MYO16: variants seen among roughly 807,000 people sequenced by gnomAD.
The protein encoded by MYO16 is unconventional myosin-XVI.
MYO16 carries 94 observed loss-of-function variants against 205.3 expected under a neutral mutation model. The observed-to-expected ratio is 0.46, with a 90% confidence interval of 0.39 to 0.54. The LOEUF (loss-of-function observed/expected upper bound fraction) is 0.54, where lower values mean the gene tolerates loss of function less well. Among genes scored for constraint, MYO16 ranks in the 20% least tolerant of loss-of-function variants. The pLI is 0.00. For synonymous variants in MYO16, 988 were observed against 954.0 expected (o/e 1.04, Z -0.66); for missense variants, 2,315 against 2,387.5 (o/e 0.97, Z 0.63).
At chr13:108,808,675 T>C (rs1269564952) in intron 7 of MYO16, among the ~76,000 whole-genome samples, 1 of 152,076 alleles carries the variant, frequency 6.6e-6, no homozygotes, top group Non-Finnish European at 1.5e-5. Context: ...ATAGTAAGAA[T>C]TGAGAGACAA....
At chr13:109,142,055 A>G (rs1361008471) in intron 32 of MYO16, among the ~76,000 whole-genome samples, 1 of 152,230 alleles carries the variant, frequency 6.6e-6, no homozygotes, top group Admixed American at 6.5e-5. Flanking sequence ...TGTTGCCTGC[A>G]TTCAAAAACA....
intron 27 of MYO16, among the ~76,000 whole-genome samples, chr13:109,066,367 A>G (rs1428667582): frequency 2.0e-5 from 3 of 152,212 alleles, no homozygotes; most frequent in Non-Finnish European, 4.4e-5. Flanking sequence ...ACTTTCTCCA[A>G]GGTAATTTTG....
intron 4 of MYO16, among the ~76,000 whole-genome samples, chr13:108,743,164 A>G (rs1207459507): frequency 6.6e-6 from 1 of 152,196 alleles, no homozygotes; most frequent in Admixed American, 6.5e-5. Context: ...ATTTCTTTAA[A>G]TTGTGTAAAC....
chr13:108,980,445 G>A (rs78525361), intron 20 of MYO16, among the ~76,000 whole-genome samples: 4,495 of 152,200 alleles, frequency 0.03, 101 homozygotes, highest in African/African-American at 0.056. Context: ...TATGCTCTCT[G>A]TGCCTGTCAT....
the MYO16 span, among the ~76,000 whole-genome samples, chr13:108,503,867 T>A: frequency 1.3e-5 from 2 of 152,178 alleles, no homozygotes; most frequent in Non-Finnish European, 2.9e-5. Flanking sequence ...AAAAGCCAGA[T>A]AAAATTAATA....
intron 4 of MYO16, among the ~76,000 whole-genome samples, chr13:108,768,879 T>G (rs2138874108): frequency 6.6e-6 from 1 of 152,222 alleles, no homozygotes; most frequent in East Asian, 1.9e-4. Context: ...CCAAAACCCT[T>G]GAACAGATAA....
intron 20 of MYO16, among the ~76,000 whole-genome samples, chr13:108,967,583 C>G (rs1415132215): frequency 6.6e-6 from 1 of 152,076 alleles, no homozygotes; most frequent in Admixed American, 6.5e-5. Context: ...GGGCTGGGGA[C>G]CACTGAGGGC....
the MYO16 span, among the ~76,000 whole-genome samples, chr13:108,577,844 C>T: frequency 6.6e-6 from 1 of 152,092 alleles, no homozygotes; most frequent in African/African-American, 2.4e-5. Flanking sequence ...ATAAAAATCC[C>T]TAAACTTGCC....
chr13:109,045,926 A>G (rs950475499), intron 23 of MYO16, among the ~76,000 whole-genome samples: 4 of 152,142 alleles, frequency 2.6e-5, no homozygotes, highest in African/African-American at 7.2e-5. Flanking sequence ...TCAAATGTCC[A>G]CAGGCATAAC....
intron 23 of MYO16, among the ~76,000 whole-genome samples, chr13:109,023,670 A>AATATATGTATATATACATACATATGT (rs1886222879): frequency 1.5e-5 from 1 of 64,874 alleles, no homozygotes; most frequent in Non-Finnish European, 3.2e-5. Flanking sequence ...TATATATGCA[A>AATATATGTATATATACATACATATGT]ATATATGTAT....
intron 16 of MYO16, among the ~76,000 whole-genome samples, chr13:108,917,341 G>A (rs1435644015): frequency 1.3e-5 from 2 of 152,174 alleles, no homozygotes; most frequent in Non-Finnish European, 2.9e-5. Flanking sequence ...CAGGAGGAAG[G>A]GGAAGGGAGA....
intron 24 of MYO16, 49 bp from the exon 25 acceptor site, chr13:109,052,251 A>T: frequency 6.7e-7 from 1 of 1,493,856 alleles, no homozygotes; most frequent in Non-Finnish European, 9.3e-7. Context: ...TTCAATGCTT[A>T]AGTAATAATT....
chr13:108,573,726 A>G, the MYO16 span, among the ~76,000 whole-genome samples: 25 of 152,208 alleles, frequency 1.6e-4, no homozygotes. Flanking sequence ...TCAGACTTTC[A>G]TATTCTGCTC....
chr13:108,663,983 T>C (rs1427608487), intron 1 of MYO16, among the ~76,000 whole-genome samples: 1 of 152,204 alleles, frequency 6.6e-6, no homozygotes, highest in African/African-American at 2.4e-5. Context: ...TTATGGTTCT[T>C]TATTAATGAG....
chr13:109,165,185 A>G, intron 33 of MYO16, 126 bp downstream of exon 33: 1 of 659,904 alleles, frequency 1.5e-6, no homozygotes, highest in Non-Finnish European at 2.5e-6. Context: ...AATATAAACC[A>G]TGAAACTCCC....
intron 6 of MYO16, among the ~76,000 whole-genome samples, chr13:108,806,161 G>C (rs910202743): frequency 2.6e-5 from 4 of 152,006 alleles, no homozygotes. Context: ...TACAATGGTA[G>C]CTACACAATC....
chr13:108,864,293 T>A (rs1178553997), intron 11 of MYO16, among the ~76,000 whole-genome samples: 1 of 152,176 alleles, frequency 6.6e-6, no homozygotes, highest in African/African-American at 2.4e-5. Context: ...ATAATTTTTA[T>A]CTTAAGTAGA....
the MYO16 span, among the ~76,000 whole-genome samples, chr13:108,505,073 G>A: frequency 1.3e-5 from 2 of 152,124 alleles, no homozygotes; most frequent in Admixed American, 6.5e-5. Flanking sequence ...AGAAATTTAA[G>A]TTGCTTTCAT....
intron 28 of MYO16, among the ~76,000 whole-genome samples, chr13:109,116,450 C>T (rs1422497477): frequency 6.6e-6 from 1 of 152,146 alleles, no homozygotes; most frequent in African/African-American, 2.4e-5. Context: ...TGCTCCTTCC[C>T]AGCCATTATC....
Sources: allele counts gnomAD v4.1 joint callset (sites outside exome capture counted in the v4.1 genomes callset), GRCh38; gene constraint gnomAD v4.1.1; transcripts MANE v1.5; gene names NCBI Gene and HGNC (gene_info 2026-07-23, HGNC 2026-07-21).